BRWD3: variants seen among roughly 807,000 people sequenced by gnomAD.
BRWD3 encodes bromodomain and WD repeat-containing protein 3.
In BRWD3, 10 loss-of-function variants were observed where a neutral mutation model predicts 149.7. That is an observed-to-expected ratio of 0.07 (90% CI 0.04 to 0.11). The LOEUF is 0.11. Among genes scored for constraint, BRWD3 ranks in the 10% least tolerant of loss-of-function variants. The probability of loss-of-function intolerance (pLI) is 1.00; values close to 1 mark genes in which losing one functional copy is unlikely to be tolerated. For missense variants in BRWD3, 940 were observed against 1,373.2 expected (o/e 0.68, Z 4.99); for synonymous variants, 504 against 456.7 (o/e 1.10, Z -1.32).
chrX:80,783,928 T>C (rs1416052051), intron 6 of BRWD3, among the ~76,000 whole-genome samples: 1 of 111,047 alleles, frequency 9.0e-6, no homozygotes, highest in Non-Finnish European at 1.9e-5. Context: ...CTGGGAAGGA[T>C]AGTGGGAAAG....
chrX:80,700,119 T>C (rs149478535), intron 24 of BRWD3, 55 bp from the exon 25 acceptor site: 1 of 843,566 alleles, frequency 1.2e-6, no homozygotes, highest in East Asian at 3.2e-5. Flanking sequence ...ACTCTGTATG[T>C]CCAATATACA....
chrX:80,698,063 T>A (rs1171309714), intron 25 of BRWD3, among the ~76,000 whole-genome samples: 2 of 112,240 alleles, frequency 1.8e-5, no homozygotes, highest in African/African-American at 6.5e-5. Flanking sequence ...TGATTAGTGA[T>A]GTTTTAGCAT....
At chrX:80,742,861 T>A (rs1443862970) in intron 8 of BRWD3, among the ~76,000 whole-genome samples, 1 of 111,640 alleles carries the variant, frequency 9.0e-6, no homozygotes, top group East Asian at 2.8e-4. Flanking sequence ...TTTGACTTCC[T>A]CTTTTCCTAA....
At chrX:80,807,901 G>A (rs980587387) in intron 4 of BRWD3, among the ~76,000 whole-genome samples, 5 of 111,337 alleles carry the variant, frequency 4.5e-5, no homozygotes, top group African/African-American at 1.6e-4. Context: ...TTATAAAATC[G>A]GAGATACGTA....
At position 80,809,696 on chromosome X, in the gene BRWD3, AGAGG is replaced by A. The variant is rs2074389528; in HGVS notation, c.-229_-226del. On this transcript the variant is annotated 5_prime_UTR_variant, in exon 1 of 41. Coordinates refer to ENST00000373275, the MANE Select transcript of BRWD3 (RefSeq NM_153252.5). ...GCGGAGGAGGAAGGAGAGGAGAGGG[AGAGG>A]GAGAGAGAGAGTGAGTGAGTGAGAG... 8.1e-6 allele frequency: 3 copies of A among 368,325 alleles called. No individual in the cohort carries two copies. The highest frequency in any genetic ancestry group is 4.9e-5 in the Admixed American group (1 of 20,291). The allele number at this position is 368,325 out of a possible 1,213,427, so 30.4% of individuals were successfully genotyped here.
At chrX:80,688,793 A>G (rs1431047255) in intron 33 of BRWD3, among the ~76,000 whole-genome samples, 1 of 111,241 alleles carries the variant, frequency 9.0e-6, no homozygotes, top group African/African-American at 3.3e-5. Flanking sequence ...TCAAATTTCA[A>G]ACTAAAATAT....
At chrX:80,712,947 G>A (rs769857791) in intron 20 of BRWD3, among the ~76,000 whole-genome samples, 5 of 108,829 alleles carry the variant, frequency 4.6e-5, no homozygotes, top group East Asian at 3.0e-4. Context: ...GAGCTCCTCC[G>A]CCCGGCACCC....
intron 20 of BRWD3, among the ~76,000 whole-genome samples, chrX:80,710,990 A>G (rs2072955957): frequency 9.1e-6 from 1 of 109,464 alleles, no homozygotes; most frequent in African/African-American, 3.3e-5. Context: ...GTAAAATAAA[A>G]TTGTTTCACC....
At chrX:80,680,953 C>A in intron 40 of BRWD3, among the ~76,000 whole-genome samples, 1 of 105,598 alleles carries the variant, frequency 9.5e-6, no homozygotes, top group African/African-American at 3.5e-5. Context: ...GAGTTGTATG[C>A]CACCACATGT....
intron 6 of BRWD3, among the ~76,000 whole-genome samples, chrX:80,769,661 C>G (rs899540697): frequency 8.2e-5 from 9 of 110,268 alleles, no homozygotes; most frequent in Admixed American, 1.9e-4. Context: ...AAACTGACAC[C>G]CTAACACCAC....
rs765662830 is a variant in BRWD3, at chrX:80,733,510, C to G, written c.1087-14G>C. On this transcript the variant is annotated splice_polypyrimidine_tract_variant and intron_variant, in intron 11 of 40. Transcript: ENST00000373275. ...AACAACTTTATCCTAAGACATGAAA[C>G]AGATTTTTCGTTAAAATGGACTTAT... 26 of 1,179,855 alleles carry G rather than the reference C, an allele frequency of 2.2e-5. No homozygotes were observed. The Admixed American group carries it at 2.4e-4, about 11-fold the overall frequency.
In BRWD3 at chrX:80,723,985, A is replaced by C; in HGVS notation, c.1522-109T>G. On this transcript the variant is annotated intron_variant, in intron 15 of 40. Transcript: ENST00000373275. ...GGACTCTGTGATACACAAACATTCC[A>C]AAGTACTCTCTCTGGCTTCTGCAGC... The C allele has an allele frequency of 5.6e-6, 5 of 896,967 alleles. No homozygotes were observed. In the Middle Eastern group the frequency reaches 8.7e-4, roughly 155 times the overall value. The allele number at this position is 896,967 out of a possible 1,213,427, so 73.9% of individuals were successfully genotyped here.
rs1319011463 is a variant in BRWD3, at chrX:80,808,063, C to T, written c.180+476G>A. On this transcript the variant is annotated intron_variant, in intron 4 of 40. Coordinates refer to ENST00000373275, the MANE Select transcript of BRWD3 (RefSeq NM_153252.5). ...CCCTTCCTCCCACGCCTCCCCCCTG[C>T]CCCCCCGCCCCCCCCAAAAAAGACC... Among the ~76,000 whole-genome samples, 3 of 62,381 alleles carry T rather than the reference C, an allele frequency of 4.8e-5. No individual in the cohort carries two copies. The East Asian group carries it at 1.9e-3, about 41-fold the overall frequency. 54.2% of individuals were successfully genotyped at this position (62,381 alleles called of 115,157 possible).
intron 14 of BRWD3, among the ~76,000 whole-genome samples, chrX:80,725,309 T>G (rs1240159070): frequency 8.9e-6 from 1 of 112,008 alleles, no homozygotes; most frequent in Non-Finnish European, 1.9e-5. Context: ...AAAGATAGTC[T>G]AAACAGTTAC....
rs779080932 is a variant in BRWD3, at chrX:80,808,364, A to T, written c.180+175T>A. Among the ~76,000 whole-genome samples the T allele has an allele frequency of 2.0e-4, 21 of 106,503 alleles. 1 individual carries two copies. The South Asian group carries it at 8.9e-3, about 45-fold the overall frequency. The allele number at this position is 106,503 out of a possible 115,157, so 92.5% of individuals were successfully genotyped here. On this transcript the variant is annotated intron_variant, in intron 4 of 40. Coordinates refer to ENST00000373275, the MANE Select transcript of BRWD3 (RefSeq NM_153252.5). ...GGTGGAAACAAGCAGGGCCAAGGGG[A>T]GGGCAAGGTACCCTTTTTCCGACTA...
Position 80,722,731 on chromosome X carries a change from A to G in BRWD3, c.1707T>C (p.Asn569=). Residue 569 remains asparagine, a synonymous_variant, in exon 17 of 41, where the codon AAT becomes AAC. Transcript: ENST00000373275. ...TDYRPLIRDA[N]NYVLDEQTQQ... ...GGGTTTGTTCATCCAATACATAGTT[A>G]TTGGCATCACGAATAAGAGGACGAT... 6 of 1,210,968 alleles carry G rather than the reference A, an allele frequency of 5.0e-6. No homozygotes were observed. The highest frequency in any genetic ancestry group is 6.7e-6 in the Non-Finnish European group (6 of 894,860).
chrX:80,778,190 C>A (rs2074018577), intron 6 of BRWD3, among the ~76,000 whole-genome samples: 1 of 111,369 alleles, frequency 9.0e-6, no homozygotes, highest in South Asian at 3.7e-4. Context: ...GAAAATCTAG[C>A]TATTTTAAAG....
At chrX:80,704,297 T>C in intron 23 of BRWD3, among the ~76,000 whole-genome samples, 1 of 111,410 alleles carries the variant, frequency 9.0e-6, no homozygotes, top group Non-Finnish European at 1.9e-5. Flanking sequence ...CAATTTATCA[T>C]ACTCTTCCAT....
intron 20 of BRWD3, among the ~76,000 whole-genome samples, chrX:80,715,568 T>C (rs779978233): frequency 8.9e-6 from 1 of 112,316 alleles, no homozygotes; most frequent in East Asian, 2.8e-4. Flanking sequence ...ATTTTGCTCC[T>C]AAATGATTTG....
Sources: gnomAD v4.1 joint callset for allele counts (sites outside exome capture counted in the v4.1 genomes callset) on GRCh38, gnomAD v4.1.1 for gene constraint, MANE v1.5 for transcripts, NCBI Gene and HGNC (gene_info 2026-07-23, HGNC 2026-07-21) for gene names.